RPS29: variants seen among roughly 807,000 people sequenced by gnomAD.
The protein encoded by RPS29 is ribosomal protein S29.
For missense variants in RPS29, 60 were observed against 75.7 expected, an observed-to-expected ratio of 0.79 and a Z score of 0.77; for synonymous variants, 37 against 26.9, an observed-to-expected ratio of 1.37 and a Z score of -1.16.
chr14:49,598,207 T>G, intron 1 of RPS29: 1 of 559,200 alleles, frequency 1.8e-6, no homozygotes, highest in Non-Finnish European at 3.2e-6. Flanking sequence ...GCACAAATTT[T>G]AAGGAGGCAA....
chr14:49,592,718 G>C (rs895914094), intron 1 of RPS29, among the ~76,000 whole-genome samples: 2 of 146,702 alleles, frequency 1.4e-5, no homozygotes, highest in African/African-American at 5.0e-5. Context: ...AGACCAGCCT[G>C]ACCAACATGG....
chr14:49,586,600 C>T, upstream of RPS29: 1 of 517,660 alleles, frequency 1.9e-6, no homozygotes. Flanking sequence ...GTGGCGCGTG[C>T]CTGTAGTCCC....
At chr14:49,587,541 G>C (rs1220355273), upstream of RPS29, among the ~76,000 whole-genome samples, 2 of 152,144 alleles carry the variant, frequency 1.3e-5, no homozygotes, top group Non-Finnish European at 2.9e-5. Flanking sequence ...TTCTAGTGGG[G>C]TCCCCCTACC....
exon 1 of RPS29, chr14:49,598,425 C>T (rs1442311692): frequency 1.0e-5 from 7 of 700,142 alleles, no homozygotes; most frequent in Admixed American, 8.0e-5. Context: ...ATTTGTTCAG[C>T]AGGAATTGCC....
chr14:49,581,590 G>A (rs1881335053), downstream of RPS29, among the ~76,000 whole-genome samples: 1 of 152,058 alleles, frequency 6.6e-6, no homozygotes, highest in Non-Finnish European at 1.5e-5. Flanking sequence ...AACCACACCC[G>A]GCTAATTTTC....
intron 1 of RPS29, 86 bp from the exon 2 acceptor site, chr14:49,586,135 C>A (rs923420063): frequency 7.0e-7 from 1 of 1,428,060 alleles, no homozygotes; most frequent in African/African-American, 1.4e-5. Flanking sequence ...TCCCGGGACT[C>A]CCAAGCCACA....
At chr14:49,576,648 C>G (rs563032344) in exon 3 of RPS29, 57 of 152,220 alleles carry the variant, frequency 3.7e-4, no homozygotes, top group African/African-American at 1.3e-3. Context: ...GGGCTGTGTC[C>G]CCACCCAAAT....
intron 1 of RPS29, among the ~76,000 whole-genome samples, chr14:49,596,332 G>C (rs997821823): frequency 6.6e-6 from 1 of 152,094 alleles, no homozygotes; most frequent in African/African-American, 2.4e-5. Flanking sequence ...AACTCCTTAT[G>C]TATTTCCATT....
chr14:49,587,474 CA>C (rs1881614778), upstream of RPS29, among the ~76,000 whole-genome samples: 2 of 152,194 alleles, frequency 1.3e-5, no homozygotes, highest in African/African-American at 4.8e-5. Context: ...GAAACTTTTA[CA>C]TATAAACTTT....
chr14:49,582,012 C>CCAAAAAAAAAAAAAAAAAA (rs71115379), downstream of RPS29, among the ~76,000 whole-genome samples: 78 of 106,472 alleles, frequency 7.3e-4, 1 homozygote, highest in African/African-American at 3.3e-3. Context: ...CCCTGCCCCC[C>CCAAAAAAAAAAAAAAAAAA]AAAAAAAAAA....
intron 2 of RPS29, among the ~76,000 whole-genome samples, chr14:49,584,015 G>A (rs1478229516): frequency 6.6e-6 from 1 of 151,884 alleles, no homozygotes; most frequent in East Asian, 1.9e-4. Context: ...AGAGAGTCTC[G>A]CTGTCTCCCG....
intron 2 of RPS29, chr14:49,585,573 A>T: frequency 3.1e-6 from 1 of 319,652 alleles, no homozygotes. Flanking sequence ...ACAGAGGGAG[A>T]CCCTATCTCT....
At chr14:49,588,953 G>T (rs1329529838), upstream of RPS29, among the ~76,000 whole-genome samples, 1 of 138,582 alleles carries the variant, frequency 7.2e-6, no homozygotes, top group South Asian at 2.4e-4. Flanking sequence ...GTGTAGTGGT[G>T]CGATCTCGGC....
rs1447891175 is a variant in RPS29, at chr14:49,583,605, AAAG to A, written c.*59_*61del. ...TTTTTCAAATGTTTATTTTATATAC[AAAG>A]AATTATCATGGTTTTTCATTGAGTA... On this transcript the variant is annotated 3_prime_UTR_variant, in exon 3 of 3. Coordinates refer to ENST00000245458, the MANE Select transcript of RPS29 (RefSeq NM_001032.5). The A allele has an allele frequency of 6.4e-7, 1 of 1,562,196 alleles. No individual in the cohort carries two copies. Among genetic ancestry groups the A allele is most frequent in the Non-Finnish European group, 8.7e-7 (1 of 1,155,320 alleles).
chr14:49,585,737 G>C, intron 2 of RPS29: 1 of 559,074 alleles, frequency 1.8e-6, no homozygotes, highest in South Asian at 2.4e-5. Context: ...GAGTAGGAAA[G>C]ACTAAGTCCT....
chr14:49,596,912 C>T (rs1347544519), intron 1 of RPS29, among the ~76,000 whole-genome samples: 1 of 139,754 alleles, frequency 7.2e-6, no homozygotes. Flanking sequence ...CTAATTTTTT[C>T]TTCTTCTTTT....
chr14:49,591,025 A>G (rs1049085791), upstream of RPS29, among the ~76,000 whole-genome samples: 5 of 152,096 alleles, frequency 3.3e-5, no homozygotes, highest in African/African-American at 1.2e-4. Flanking sequence ...TTAACCCTTC[A>G]AAAAAGCCCA....
chr14:49,578,963 T>C (rs1329112638), downstream of RPS29, among the ~76,000 whole-genome samples: 5 of 152,318 alleles, frequency 3.3e-5, no homozygotes, highest in Non-Finnish European at 7.4e-5. Flanking sequence ...CTTGGGAAAG[T>C]TACTTATTCA....
chr14:49,592,232 T>G (rs1881728422), intron 1 of RPS29: 1 of 152,120 alleles, frequency 6.6e-6, no homozygotes, highest in African/African-American at 2.4e-5. Flanking sequence ...TTTTTATTTT[T>G]TATTTTTGGC....
Sources: allele counts gnomAD v4.1 joint callset (sites outside exome capture counted in the v4.1 genomes callset), GRCh38; gene constraint gnomAD v4.1.1; transcripts MANE v1.5; gene names NCBI Gene and HGNC (gene_info 2026-07-23, HGNC 2026-07-21).